ZFHX3: variants seen among roughly 807,000 people sequenced by gnomAD.
ZFHX3 encodes zinc finger homeobox 3.
ZFHX3 carries 42 observed loss-of-function variants against 279.1 expected under a neutral mutation model. The observed-to-expected ratio is 0.15, with a 90% CI of 0.12 to 0.19. The LOEUF is 0.19. Ranked by LOEUF, ZFHX3 falls within the 10% of genes least tolerant of loss-of-function variation. The probability of loss-of-function intolerance (pLI) is 1.00; values close to 1 mark genes in which losing one functional copy is unlikely to be tolerated. For synonymous variants in ZFHX3, 2,293 were observed against 1,957.8 expected (o/e 1.17, Z -4.52); for missense variants, 4,981 against 4,754.0 (o/e 1.05, Z -1.40).
At position 73,774,750 on chromosome 16, in the gene ZFHX3, T is replaced by C. The variant is rs562995846; in HGVS notation, c.-1607-94510A>G. 6.3e-4 allele frequency among the ~76,000 whole-genome samples: 96 copies of C among 152,238 alleles called. 1 individual carries two copies. Among genetic ancestry groups the C allele is most frequent in the Non-Finnish European group, 1.1e-3 (73 of 68,020 alleles). On this transcript the variant is annotated intron_variant, in intron 1 of 17. Transcript: ENST00000641206. ...TTTATCAGTCAGACAACGGTGGTTT[T>C]CTTAATGGGAGTGGTTTTTCAACTC... is the stretch of plus-strand genomic sequence containing the variant.
intron 2 of ZFHX3, among the ~76,000 whole-genome samples, chr16:73,652,620 A>G (rs773738754): frequency 6.6e-6 from 1 of 152,222 alleles, no homozygotes; most frequent in Non-Finnish European, 1.5e-5. Context: ...AGACACATGT[A>G]TGACAAAATT....
chr16:73,596,080 G>A (rs1247798873), intron 2 of ZFHX3, among the ~76,000 whole-genome samples: 1 of 151,638 alleles, frequency 6.6e-6, no homozygotes, highest in Non-Finnish European at 1.5e-5. Flanking sequence ...GAGTGCAGTG[G>A]TGCAATCTCG....
At chr16:73,675,529 A>C (rs1264851325) in intron 2 of ZFHX3, among the ~76,000 whole-genome samples, 4 of 152,090 alleles carry the variant, frequency 2.6e-5, no homozygotes, top group Non-Finnish European at 4.4e-5. Flanking sequence ...GCTGTGAATG[A>C]AACTGATAGG....
intron 2 of ZFHX3, among the ~76,000 whole-genome samples, chr16:73,490,075 C>T (rs1193774317): frequency 6.6e-6 from 1 of 152,212 alleles, no homozygotes; most frequent in African/African-American, 2.4e-5. Flanking sequence ...AATTCCATTG[C>T]AGCTATTCAA....
chr16:73,820,548 A>T (rs1017561770), intron 1 of ZFHX3, among the ~76,000 whole-genome samples: 1 of 152,078 alleles, frequency 6.6e-6, no homozygotes, highest in Non-Finnish European at 1.5e-5. Flanking sequence ...AGCCAGCCCT[A>T]TGAGTGAGTT....
intron 4 of ZFHX3, among the ~76,000 whole-genome samples, chr16:72,846,630 TAGC>T (rs1463624898): frequency 2.0e-5 from 3 of 152,256 alleles, no homozygotes; most frequent in East Asian, 1.9e-4. Context: ...GCATCCCCCT[TAGC>T]AGAGAACTGT....
At chr16:72,927,603 C>A (rs1472960236) in intron 3 of ZFHX3, among the ~76,000 whole-genome samples, 1 of 152,176 alleles carries the variant, frequency 6.6e-6, no homozygotes, top group Non-Finnish European at 1.5e-5. Flanking sequence ...TTCCCAGCGG[C>A]CCGCGAGGGG....
chr16:73,406,313 A>C (rs1025651517), intron 3 of ZFHX3, among the ~76,000 whole-genome samples: 5 of 152,204 alleles, frequency 3.3e-5, no homozygotes, highest in African/African-American at 4.8e-5. Flanking sequence ...GCATCACTGC[A>C]TCCATCTACA....
chr16:73,222,292 C>A lies in ZFHX3; in HGVS notation c.-1104+34755G>T, dbSNP rs569121158. On this transcript the variant is annotated intron_variant, in intron 5 of 17. Coordinates refer to the ZFHX3 transcript ENST00000641206. ...TGCCTTATATCATAAGATTTTTTCA[C>A]AGATGATATCGTCTATGTAGGAAAT... Among the ~76,000 whole-genome samples, 7 of 152,052 alleles carry A rather than the reference C, an allele frequency of 4.6e-5. No homozygotes were observed. In the East Asian group the frequency reaches 1.4e-3, roughly 29 times the overall value.
intron 4 of ZFHX3, among the ~76,000 whole-genome samples, chr16:72,853,059 G>C (rs1046639669): frequency 2.0e-5 from 3 of 152,190 alleles, no homozygotes; most frequent in Non-Finnish European, 4.4e-5. Context: ...CATGTACTTG[G>C]ACAAGAAAAT....
intron 1 of ZFHX3, chr16:73,813,997 C>G (rs1475888969): frequency 1.3e-5 from 2 of 152,186 alleles, no homozygotes; most frequent in Admixed American, 6.5e-5. Context: ...GGGTATCACT[C>G]TTAAGTTGTA....
chr16:72,850,257 C>T (rs1215580204), intron 4 of ZFHX3, among the ~76,000 whole-genome samples: 1 of 152,242 alleles, frequency 6.6e-6, no homozygotes, highest in African/African-American at 2.4e-5. Context: ...CCACCAGTGT[C>T]TACCTCACTT....
intron 1 of ZFHX3, among the ~76,000 whole-genome samples, chr16:73,824,381 C>CTTTCT (rs1960836650): frequency 6.2e-5 from 7 of 112,164 alleles, no homozygotes; most frequent in African/African-American, 2.2e-4. Context: ...CAAATAATTT[C>CTTTCT]TTTTTTTTTT....
At chr16:73,421,716 C>T (rs933784673) in intron 3 of ZFHX3, among the ~76,000 whole-genome samples, 1 of 152,088 alleles carries the variant, frequency 6.6e-6, no homozygotes, top group Non-Finnish European at 1.5e-5. Context: ...TGTGGCAGAA[C>T]CTAGGTTTGT....
At chr16:73,057,897 C>T (rs868728150) in intron 1 of ZFHX3, among the ~76,000 whole-genome samples, 2 of 148,950 alleles carry the variant, frequency 1.3e-5, no homozygotes, top group Admixed American at 1.3e-4. Flanking sequence ...TGGCTGCGAC[C>T]GCGGCGACTG....
chr16:73,284,998 G>T (rs998134684), intron 4 of ZFHX3, among the ~76,000 whole-genome samples: 2 of 152,276 alleles, frequency 1.3e-5, no homozygotes, highest in Admixed American at 6.5e-5. Flanking sequence ...GCACCAGCAC[G>T]CCTGGCTAAT....
At chr16:73,045,639 ACAT>A (rs918171323) in intron 1 of ZFHX3, among the ~76,000 whole-genome samples, 1 of 113,552 alleles carries the variant, frequency 8.8e-6, no homozygotes, top group African/African-American at 3.3e-5. Flanking sequence ...GCATGGATTT[ACAT>A]TATTATTATT....
chr16:73,070,295 C>A (rs1274750259), intron 8 of ZFHX3, among the ~76,000 whole-genome samples: 1 of 152,062 alleles, frequency 6.6e-6, no homozygotes, highest in Non-Finnish European at 1.5e-5. Flanking sequence ...AAACTGCGGC[C>A]GTGCAATTCA....
At chr16:73,313,340 C>A (rs182058048) in intron 4 of ZFHX3, among the ~76,000 whole-genome samples, 1 of 152,090 alleles carries the variant, frequency 6.6e-6, no homozygotes, top group Admixed American at 6.6e-5. Flanking sequence ...TGAGAACAGA[C>A]GAATACAGCC....
Sources: gnomAD v4.1 joint callset for allele counts (sites outside exome capture counted in the v4.1 genomes callset) on GRCh38, gnomAD v4.1.1 for gene constraint, MANE v1.5 for transcripts, NCBI Gene and HGNC (gene_info 2026-07-23, HGNC 2026-07-21) for gene names.